TTC7B: variants seen among roughly 807,000 people sequenced by gnomAD.
TTC7B encodes tetratricopeptide repeat protein 7B.
TTC7B carries 28 observed loss-of-function variants against 106.8 expected under a neutral mutation model. The observed-to-expected ratio is 0.26, with a 90% CI of 0.19 to 0.36. TTC7B has a LOEUF of 0.36. Among genes scored for constraint, TTC7B ranks in the 10% least tolerant of loss-of-function variants. The pLI is 1.00. For missense variants in TTC7B, 862 were observed against 1,076.4 expected (o/e 0.80, Z 2.79); for synonymous variants, 405 against 430.6 (o/e 0.94, Z 0.74).
intron 7 of TTC7B, among the ~76,000 whole-genome samples, chr14:90,681,929 C>T (rs1251309684): frequency 6.6e-6 from 1 of 152,156 alleles, no homozygotes; most frequent in African/African-American, 2.4e-5. Context: ...TCGTGCCCCA[C>T]AATCATTTCC....
At chr14:90,770,446 C>T (rs1451566354) in intron 3 of TTC7B, among the ~76,000 whole-genome samples, 1 of 152,070 alleles carries the variant, frequency 6.6e-6, no homozygotes, top group African/African-American at 2.4e-5. Context: ...CACCTGAGGT[C>T]GGGAGTTCAA....
chr14:90,613,606 G>A (rs1892955872), intron 16 of TTC7B, among the ~76,000 whole-genome samples: 1 of 152,324 alleles, frequency 6.6e-6, no homozygotes, highest in South Asian at 2.1e-4. Context: ...TCTCAGGCAA[G>A]CTGGAAAGTC....
chr14:90,784,354 G>A lies in TTC7B; in HGVS notation c.276+1820C>T, dbSNP rs571551470. Among the ~76,000 whole-genome samples, 268 of 152,310 alleles carry A rather than the reference G, an allele frequency of 1.8e-3. 2 individuals carry two copies. The highest frequency in any genetic ancestry group is 6.3e-3 in the African/African-American group (263 of 41,576). On this transcript the variant is annotated intron_variant, in intron 2 of 19. Coordinates refer to ENST00000328459, the MANE Select transcript of TTC7B (RefSeq NM_001010854.2). The stretch of plus-strand genomic sequence containing the variant: ...GGGCGGATCACGAGGTGAGGAGATT[G>A]AGACCATCCTGGCTAACACGGTGAA...
chr14:90,805,580 A>G lies in TTC7B; in HGVS notation c.121+10595T>C, dbSNP rs895698712. 2.6e-5 allele frequency among the ~76,000 whole-genome samples: 4 copies of G among 152,118 alleles called. No homozygotes were observed. The highest frequency in any genetic ancestry group is 5.9e-5 in the Non-Finnish European group (4 of 68,018). Reference sequence around the variant, plus strand: ...CGCGCCCGGCCTAAACCTCACCTCTATCTGCAAGGTTGGAACAGGGGTAAG... The same window carrying G: ...CGCGCCCGGCCTAAACCTCACCTCTGTCTGCAAGGTTGGAACAGGGGTAAG... On this transcript the variant is annotated intron_variant, in intron 1 of 19. Transcript: ENST00000328459. The surrounding 1 kb of genome is among the most constrained non-coding windows in gnomAD (Gnocchi z 4.0).
At chr14:90,746,621 T>C (rs1159679049) in intron 3 of TTC7B, among the ~76,000 whole-genome samples, 1 of 152,218 alleles carries the variant, frequency 6.6e-6, no homozygotes, top group African/African-American at 2.4e-5. Context: ...TCTGAATACA[T>C]TGGGCTTTAT....
At position 90,610,148 on chromosome 14, in the gene TTC7B, C is replaced by A. The variant is rs147906687; in HGVS notation, c.1966+594G>T. ...AACACACTTCTGGTCCCGGGCATTT[C>A]GGGTAAGGGACACTTCACCTGTGTC... On this transcript the variant is annotated intron_variant, in intron 17 of 19. Transcript: ENST00000328459. Among the ~76,000 whole-genome samples the A allele has an allele frequency of 3.4e-3, 523 of 152,338 alleles. 4 individuals carry two copies. Among genetic ancestry groups the A allele is most frequent in the Non-Finnish European group, 4.3e-3 (295 of 68,040 alleles).
At chr14:90,740,794 A>ACCCGGCCTCTTT (rs760182661) in intron 4 of TTC7B, among the ~76,000 whole-genome samples, 8 of 151,814 alleles carry the variant, frequency 5.3e-5, no homozygotes, top group Non-Finnish European at 1.2e-4. Context: ...GAGCCACCAC[A>ACCCGGCCTCTTT]CCCGGCCTCT....
At chr14:90,634,633 G>A (rs1419219282) in intron 15 of TTC7B, among the ~76,000 whole-genome samples, 1 of 152,042 alleles carries the variant, frequency 6.6e-6, no homozygotes, top group Non-Finnish European at 1.5e-5. Context: ...TTAGCCAGGT[G>A]TGGTGACATG....
At chr14:90,568,280 G>A (rs764106246) in intron 19 of TTC7B, among the ~76,000 whole-genome samples, 2 of 152,182 alleles carry the variant, frequency 1.3e-5, no homozygotes, top group African/African-American at 2.4e-5. Flanking sequence ...AAGTGAAAAC[G>A]AAAGGCCTGA....
chr14:90,686,354 C>T (rs1566836087), intron 7 of TTC7B, among the ~76,000 whole-genome samples: 1 of 152,104 alleles, frequency 6.6e-6, no homozygotes, highest in Non-Finnish European at 1.5e-5. Context: ...CTATAAAAGC[C>T]CACAGTGAAC....
intron 1 of TTC7B, among the ~76,000 whole-genome samples, chr14:90,798,722 A>AAAAAC (rs1173037711): frequency 1.3e-5 from 2 of 151,220 alleles, no homozygotes; most frequent in Admixed American, 1.3e-4. Context: ...AAAAAAAAAA[A>AAAAAC]AAAAAAAAAA....
chr14:90,603,618 G>C (rs1194845890), intron 17 of TTC7B, among the ~76,000 whole-genome samples: 1 of 152,202 alleles, frequency 6.6e-6, no homozygotes, highest in Non-Finnish European at 1.5e-5. Flanking sequence ...AATCAAACAA[G>C]TGGGTTTTGG....
chr14:90,579,023 T>C (rs1286485), intron 18 of TTC7B, among the ~76,000 whole-genome samples: 18,443 of 152,284 alleles, frequency 0.12, 1,193 homozygotes, highest in East Asian at 0.22. Context: ...CAAACCCCTC[T>C]GCAGCCCTGG....
At position 90,608,926 on chromosome 14, in the gene TTC7B, G is replaced by C. The variant is rs975031430; in HGVS notation, c.1966+1816C>G. Among the ~76,000 whole-genome samples the C allele has an allele frequency of 6.6e-6, 1 of 152,346 alleles. No homozygotes were observed. The highest frequency in any genetic ancestry group is 2.4e-5 in the African/African-American group (1 of 41,576). ...GGCTGTTCTCACAGGATACTTAGGAGGGAGAAAAGTGGGGAGACGGCGCTG... is the reference window on the plus strand; with the variant it reads ...GGCTGTTCTCACAGGATACTTAGGACGGAGAAAAGTGGGGAGACGGCGCTG... On this transcript the variant is annotated intron_variant, in intron 17 of 19. Coordinates refer to ENST00000328459, the MANE Select transcript of TTC7B (RefSeq NM_001010854.2). This position sits in a 1 kb window ranked among gnomAD's most constrained non-coding sequence, Gnocchi z 5.1.
intron 8 of TTC7B, among the ~76,000 whole-genome samples, chr14:90,677,346 T>C (rs17799418): frequency 0.15 from 22,592 of 152,236 alleles, 1,837 homozygotes; most frequent in Admixed American, 0.23. Context: ...GTCAATTTTC[T>C]ATGCTTAGCA....
At chr14:90,632,693 G>A (rs948761375) in intron 15 of TTC7B, among the ~76,000 whole-genome samples, 2 of 152,208 alleles carry the variant, frequency 1.3e-5, no homozygotes, top group Admixed American at 6.5e-5. Flanking sequence ...CACAGATGGC[G>A]AGGCCAGATT....
chr14:90,763,812 CA>C (rs1309806033), intron 3 of TTC7B, among the ~76,000 whole-genome samples: 1 of 151,822 alleles, frequency 6.6e-6, no homozygotes, highest in Non-Finnish European at 1.5e-5. Context: ...ACTTGAATGC[CA>C]AAAAAATCTA....
At position 90,786,201 on chromosome 14, in the gene TTC7B, G is replaced by A. The variant is rs17794971; in HGVS notation, c.249C>T (p.Thr83=). 0.033 allele frequency: 52,241 copies of A among 1,587,758 alleles called. 1,643 individuals carry two copies. Among genetic ancestry groups the A allele is most frequent in the Admixed American group, 0.17 (9,300 of 55,014 alleles). The change falls in exon 2 of 20, where the codon ACC becomes ACT. Residue 83 remains threonine, a synonymous_variant. Coordinates refer to ENST00000328459, the MANE Select transcript of TTC7B (RefSeq NM_001010854.2). The stretch of plus-strand genomic sequence containing the variant: ...TAAGGTTCCCTCGGTCCAGGGCGGC[G>A]GTCAGATGCTTGCGGACCTCAGTCA... ...PQLTEVRKHL[T]AALDRGNLKS...
At chr14:90,689,812 G>C in intron 6 of TTC7B, 100 bp from the exon 7 acceptor site, 1 of 1,319,374 alleles carries the variant, frequency 7.6e-7, no homozygotes, top group Non-Finnish European at 1.0e-6. Flanking sequence ...ATTGTGCTAA[G>C]CACTACTGCA....
Sources: allele counts gnomAD v4.1 joint callset (sites outside exome capture counted in the v4.1 genomes callset), GRCh38; gene constraint gnomAD v4.1.1; non-coding constraint Gnocchi (gnomAD v3.1); transcripts MANE v1.5; gene names NCBI Gene and HGNC (gene_info 2026-07-23, HGNC 2026-07-21).